LHPP: variants seen among roughly 807,000 people sequenced by gnomAD.
LHPP encodes hLHPP.
In LHPP, 24 loss-of-function variants were observed where a neutral mutation model predicts 30.3. The observed-to-expected ratio is 0.79, with a 90% CI of 0.57 to 1.11. The LOEUF is 1.11. LHPP is among the 50% of genes most tolerant of loss of function. The pLI, the probability that LHPP is intolerant of heterozygous loss-of-function variation, is 0.00. For missense variants in LHPP, 356 were observed against 367.2 expected, an observed-to-expected ratio of 0.97 and a Z score of 0.25; for synonymous variants, 150 against 157.1, an observed-to-expected ratio of 0.95 and a Z score of 0.34.
chr10:124,609,787 G>A (rs1949143785), intron 6 of LHPP, among the ~76,000 whole-genome samples: 1 of 152,170 alleles, frequency 6.6e-6, no homozygotes, highest in African/African-American at 2.4e-5. Flanking sequence ...TTGCTCTTCA[G>A]GTCTGGGGCT....
chr10:124,480,253 G>A (rs750109990), intron 1 of LHPP, among the ~76,000 whole-genome samples: 25 of 152,212 alleles, frequency 1.6e-4, no homozygotes, highest in Non-Finnish European at 2.8e-4. Flanking sequence ...CCCAATGGGA[G>A]CGGACTTACC....
intron 5 of LHPP, among the ~76,000 whole-genome samples, chr10:124,506,011 C>T (rs1005058297): frequency 1.3e-5 from 2 of 152,008 alleles, no homozygotes; most frequent in East Asian, 1.9e-4. Flanking sequence ...TTTGGGAGGC[C>T]GAGGTGGGTG....
In LHPP at chr10:124,510,993, C is replaced by A. The variant is rs868442518; in HGVS notation, c.625-6187C>A. On this transcript the variant is annotated intron_variant, in intron 5 of 6. Coordinates refer to ENST00000368842, the MANE Select transcript of LHPP (RefSeq NM_022126.4). This position sits in a 1 kb window ranked among gnomAD's most constrained non-coding sequence, Gnocchi z 4.0. ...CAGACACTGGTGCTGGTCCCATTCC[C>A]GGGAGCACGCGGTGCCACTGGCTGT... 2.6e-5 allele frequency among the ~76,000 whole-genome samples: 4 copies of A among 152,206 alleles called. No homozygotes were observed. The highest frequency in any genetic ancestry group is 2.0e-4 in the Admixed American group (3 of 15,280).
intron 6 of LHPP, among the ~76,000 whole-genome samples, chr10:124,582,353 G>A (rs1416040512): frequency 2.0e-5 from 3 of 152,036 alleles, no homozygotes; most frequent in Non-Finnish European, 4.4e-5. Context: ...CAAAGTGTTG[G>A]GATTATAGGT....
rs2134004067 is a variant in LHPP at position 124,593,798 on chromosome 10, G to A, written c.717-19466G>A. Among the ~76,000 whole-genome samples, 1 of 152,386 alleles carries A rather than the reference G, an allele frequency of 6.6e-6. No individual in the cohort carries two copies. Among genetic ancestry groups the A allele is most frequent in the South Asian group, 2.1e-4 (1 of 4,832 alleles). ...GCCGGCGCCAGGGGCTCCCTCGGCTGACCGAGGGTGTCCCTTACTCCATAA... is the reference window on the plus strand; with the variant it reads ...GCCGGCGCCAGGGGCTCCCTCGGCTAACCGAGGGTGTCCCTTACTCCATAA... On this transcript the variant is annotated intron_variant, in intron 6 of 6. Coordinates refer to ENST00000368842, the MANE Select transcript of LHPP (RefSeq NM_022126.4). The surrounding 1 kb of genome is among the most constrained non-coding windows in gnomAD (Gnocchi z 4.9).
At chr10:124,509,482 GGTGTGTCCGTT>G (rs1243033855) in intron 5 of LHPP, among the ~76,000 whole-genome samples, 1 of 152,108 alleles carries the variant, frequency 6.6e-6, no homozygotes, top group African/African-American at 2.4e-5. Flanking sequence ...GTTTCAGAAA[GGTGTGTCCGTT>G]CACCTTCCTG....
At chr10:124,464,001 T>G (rs938497387) in intron 1 of LHPP, among the ~76,000 whole-genome samples, 9 of 152,008 alleles carry the variant, frequency 5.9e-5, no homozygotes, top group Non-Finnish European at 1.3e-4. Context: ...GTGTTTTTTG[T>G]AGAGATGGGG....
At chr10:124,530,313 G>A (rs187638696) in intron 6 of LHPP, among the ~76,000 whole-genome samples, 2 of 152,180 alleles carry the variant, frequency 1.3e-5, no homozygotes, top group Admixed American at 6.5e-5. Context: ...ACAAGAGGGC[G>A]CCTTGCTGCC....
In LHPP at chr10:124,517,945, A is replaced by G. The variant is rs1027790943; in HGVS notation, c.716+674A>G. ...ATGCTAGATGGTTTCGATTGTGGCC[A>G]TTCAGAGAAAGTACATCTTTGCAGA... On this transcript the variant is annotated intron_variant, in intron 6 of 6. Coordinates refer to ENST00000368842, the MANE Select transcript of LHPP (RefSeq NM_022126.4). The surrounding 1 kb of genome is among the most constrained non-coding windows in gnomAD (Gnocchi z 4.1). Among the ~76,000 whole-genome samples, 1 of 152,218 alleles carries G rather than the reference A, an allele frequency of 6.6e-6. No individual in the cohort carries two copies. The highest frequency in any genetic ancestry group is 1.5e-5 in the Non-Finnish European group (1 of 68,028).
intron 1 of LHPP, among the ~76,000 whole-genome samples, chr10:124,467,659 C>T (rs1256351383): frequency 6.6e-6 from 1 of 151,178 alleles, no homozygotes; most frequent in East Asian, 1.9e-4. Flanking sequence ...ATAGCTGGGA[C>T]TACAGGTATA....
chr10:124,466,266 G>C lies in LHPP; in HGVS notation c.125+4279G>C, dbSNP rs1254946. On this transcript the variant is annotated intron_variant, in intron 1 of 6. Transcript: ENST00000368842. Reference sequence around the variant, plus strand: ...AAGCACACAGCAGGATGCACGGTGCGCTGTTTCTGGTATAGAAAATGCAGA... The same window carrying C: ...AAGCACACAGCAGGATGCACGGTGCCCTGTTTCTGGTATAGAAAATGCAGA... 4.6e-5 allele frequency among the ~76,000 whole-genome samples: 7 copies of C among 152,162 alleles called. 1 individual carries two copies. The South Asian group carries it at 1.4e-3, about 31-fold the overall frequency.
chr10:124,498,468 T>C (rs1205636583), intron 5 of LHPP: 2 of 1,475,720 alleles, frequency 1.4e-6, no homozygotes, highest in Admixed American at 4.9e-5. Context: ...ACAGCAAGAT[T>C]ACAACAATAT....
intron 5 of LHPP, among the ~76,000 whole-genome samples, chr10:124,505,649 T>C (rs980533746): frequency 1.3e-5 from 2 of 152,226 alleles, no homozygotes; most frequent in Non-Finnish European, 2.9e-5. Context: ...CCTTAAAGGT[T>C]ACTTCTAGAA....
At chr10:124,508,886 T>C (rs749831643) in intron 5 of LHPP, among the ~76,000 whole-genome samples, 8 of 152,158 alleles carry the variant, frequency 5.3e-5, no homozygotes, top group Non-Finnish European at 8.8e-5. Context: ...TGTTAACTTA[T>C]ATTTTAGGTT....
chr10:124,610,791 A>C (rs111164547), intron 6 of LHPP, among the ~76,000 whole-genome samples: 3 of 77,084 alleles, frequency 3.9e-5, no homozygotes, highest in African/African-American at 1.7e-4. Flanking sequence ...GGAGCGGGTG[A>C]GGGTGCGGGT....
intron 6 of LHPP, among the ~76,000 whole-genome samples, chr10:124,547,240 A>C (rs7074039): frequency 6.6e-6 from 1 of 152,234 alleles, no homozygotes; most frequent in African/African-American, 2.4e-5. Context: ...GTTCCAGTTC[A>C]TTCCTGCAGT....
intron 6 of LHPP, among the ~76,000 whole-genome samples, chr10:124,568,313 A>C (rs1362838022): frequency 6.6e-6 from 1 of 152,170 alleles, no homozygotes; most frequent in Admixed American, 6.5e-5. Context: ...AGTGAAATAC[A>C]TCCCTGAAAC....
chr10:124,547,740 C>CCCT (rs67204231), intron 6 of LHPP, among the ~76,000 whole-genome samples: 3 of 151,824 alleles, frequency 2.0e-5, no homozygotes, highest in African/African-American at 7.3e-5. Flanking sequence ...CCCTGACCAG[C>CCCT]GGGGCCATCG....
intron 1 of LHPP, among the ~76,000 whole-genome samples, chr10:124,483,736 G>A (rs556732105): frequency 1.1e-4 from 17 of 151,744 alleles, no homozygotes; most frequent in East Asian, 5.8e-4. Flanking sequence ...CAGCCTGGGC[G>A]ACAAGAGCGA....
Sources: gnomAD v4.1 joint callset for allele counts (sites outside exome capture counted in the v4.1 genomes callset) on GRCh38, gnomAD v4.1.1 for gene constraint, Gnocchi (gnomAD v3.1) non-coding constraint, MANE v1.5 for transcripts, NCBI Gene and HGNC (gene_info 2026-07-23, HGNC 2026-07-21) for gene names.